Variants in PCDHA6 observed in about 807,000 individuals in gnomAD.
PCDHA6 encodes the protein protocadherin alpha 6, also known as protocadherin alpha-6.
PCDHA6 carries 55 observed loss-of-function variants against 60.3 expected under a neutral mutation model. The observed-to-expected ratio is 0.91, with a 90% CI of 0.73 to 1.14. The LOEUF (loss-of-function observed/expected upper bound fraction) is 1.14, where lower values mean the gene tolerates loss of function less well. Ranked by LOEUF, PCDHA6 falls within the 50% of genes most tolerant of loss-of-function variation. The pLI, the probability that PCDHA6 is intolerant of heterozygous loss-of-function variation, is 0.00. For synonymous variants in PCDHA6, 652 were observed against 557.9 expected, an observed-to-expected ratio of 1.17 and a Z score of -2.38; for missense variants, 1,327 against 1,256.5, an observed-to-expected ratio of 1.06 and a Z score of -0.85.
chr5:140,846,369 CTTTCTTT>C (rs1320771612), intron 1 of PCDHA6, among the ~76,000 whole-genome samples: 4 of 102,192 alleles, frequency 3.9e-5, no homozygotes, highest in African/African-American at 3.8e-5. Flanking sequence ...TCTTTTCTTT[CTTTCTTT>C]TTTTTTTTTT....
rs782731784 is a variant in PCDHA6, at chr5:140,857,723, G to A, written c.2394+27238G>A. 2.5e-6 allele frequency: 4 copies of A among 1,597,400 alleles called. No individual in the cohort carries two copies. Among genetic ancestry groups the A allele is most frequent in the Admixed American group, 1.7e-5 (1 of 59,286 alleles). On this transcript the variant is annotated intron_variant, in intron 1 of 3. Transcript: ENST00000529310. ...GCAGGTGTTCGTGCTGGACGAGAAC[G>A]ACAACGCTCCCGCGCTGCTGGCGTC...
At chr5:140,836,951 G>T (rs1344395357) in intron 1 of PCDHA6, 4 of 428,312 alleles carry the variant, frequency 9.3e-6, no homozygotes, top group South Asian at 5.1e-5. Context: ...AAAATCTATG[G>T]TTTATGTTGG....
At chr5:140,967,029 G>T in intron 1 of PCDHA6, 1 of 1,609,056 alleles carries the variant, frequency 6.2e-7, no homozygotes, top group Non-Finnish European at 8.5e-7. Context: ...CCCAGTCCGC[G>T]CTACCTGGAG....
chr5:140,892,351 G>T (rs1554185157), intron 1 of PCDHA6, among the ~76,000 whole-genome samples: 1 of 152,112 alleles, frequency 6.6e-6, no homozygotes, highest in Non-Finnish European at 1.5e-5. Context: ...ATTGACTTTT[G>T]CCAGGCATCT....
In PCDHA6 at chr5:140,863,367, G is replaced by A. The variant is rs782714685; in HGVS notation, c.2394+32882G>A. The A allele has an allele frequency of 1.5e-5, 18 of 1,191,312 alleles. No homozygotes were observed. The East Asian group carries it at 5.3e-4, about 35-fold the overall frequency. The allele number at this position is 1,191,312 out of a possible 1,614,324, so 73.8% of individuals were successfully genotyped here. A position where few individuals can be genotyped will look rare whatever the true frequency, so the allele number is the denominator to read the frequency against. ...TGTACACGACGCTGCGGTGCTTGGC[G>A]CAGCTCACCGAGAGCTCGTGCATGC... is the stretch of plus-strand genomic sequence containing the variant. On this transcript the variant is annotated intron_variant, in intron 1 of 3. Transcript: ENST00000529310.
Position 140,858,084 on chromosome 5 carries a change from C to T in PCDHA6, c.2394+27599C>T, listed in dbSNP as rs781886260. 2 of 1,597,664 alleles carry T rather than the reference C, an allele frequency of 1.3e-6. No homozygotes were observed. Among genetic ancestry groups the T allele is most frequent in the Admixed American group, 1.7e-5 (1 of 59,290 alleles). ...GGCAGCCAGGCACCCAAGGCCTCGT[C>T]GCGGGCTTCAGTGGGCGTGGCGCCC... is the stretch of plus-strand genomic sequence containing the variant. On this transcript the variant is annotated intron_variant, in intron 1 of 3. Transcript: ENST00000529310.
At chr5:140,967,699 T>C (rs781874469) in intron 1 of PCDHA6, 9 of 1,614,154 alleles carry the variant, frequency 5.6e-6, no homozygotes, top group Non-Finnish European at 7.6e-6. Context: ...TCAGCATAGA[T>C]GCCAGTACCG....
chr5:140,875,947 G>C (rs1554168112), intron 1 of PCDHA6: 1 of 1,614,184 alleles, frequency 6.2e-7, no homozygotes, highest in Admixed American at 1.7e-5. Flanking sequence ...GGGCGCTTCT[G>C]ATGCGGATAT....
chr5:140,998,423 T>C (rs1248330149), intron 3 of PCDHA6, among the ~76,000 whole-genome samples: 1 of 152,248 alleles, frequency 6.6e-6, no homozygotes, highest in African/African-American at 2.4e-5. Context: ...ACCTGGTTTA[T>C]CCTTTAACAC....
chr5:140,889,205 A>G (rs573455914), intron 1 of PCDHA6, among the ~76,000 whole-genome samples: 1 of 151,946 alleles, frequency 6.6e-6, no homozygotes, highest in East Asian at 2.0e-4. Context: ...TGAATACTTA[A>G]CAAAGAAGAA....
chr5:140,966,561 G>C (rs2153747879), intron 1 of PCDHA6: 1 of 488,962 alleles, frequency 2.0e-6, no homozygotes, highest in Non-Finnish European at 3.4e-6. Context: ...GGAGGAGCTG[G>C]AATATGGGGA....
At chr5:140,933,663 C>G (rs1340033934) in intron 1 of PCDHA6, among the ~76,000 whole-genome samples, 4 of 152,128 alleles carry the variant, frequency 2.6e-5, no homozygotes, top group African/African-American at 7.2e-5. Context: ...GTCTCTCTCT[C>G]TGTCTCTCTC....
intron 1 of PCDHA6, chr5:140,857,226 C>A (rs1266010631): frequency 6.3e-7 from 1 of 1,598,378 alleles, no homozygotes; most frequent in African/African-American, 1.3e-5. Context: ...CCTCACGTTC[C>A]GTTCAAGCTG....
Position 140,850,271 on chromosome 5 carries a change from G to T in PCDHA6, c.2394+19786G>T, listed in dbSNP as rs2150476864. 1.9e-6 allele frequency: 3 copies of T among 1,595,372 alleles called. No homozygotes were observed. The South Asian group carries it at 3.3e-5, about 18-fold the overall frequency. On this transcript the variant is annotated intron_variant, in intron 1 of 3. Coordinates refer to ENST00000529310, the MANE Select transcript of PCDHA6 (RefSeq NM_018909.4). ...CGGTGGGCGCCGGCGTAGTGGTGGG[G>T]AAGGTGCGCGCAGTGGACGCCGACT...
intron 1 of PCDHA6, chr5:140,834,959 T>C (rs2150229473): frequency 6.6e-7 from 1 of 1,526,094 alleles, no homozygotes; most frequent in South Asian, 1.2e-5. Flanking sequence ...TAAAACCTCT[T>C]GGACTTGTAT....
At chr5:140,877,745 T>C (rs1554170071) in intron 1 of PCDHA6, 3 of 1,614,108 alleles carry the variant, frequency 1.9e-6, no homozygotes, top group Non-Finnish European at 2.5e-6. Context: ...AGGCAGAGGG[T>C]GTGCTCTGCA....
At chr5:140,967,435 C>T (rs949116832) in intron 1 of PCDHA6, 1 of 1,613,532 alleles carries the variant, frequency 6.2e-7, no homozygotes, top group Non-Finnish European at 8.5e-7. Flanking sequence ...CAGCCTTGCA[C>T]CACCTGGTTC....
At chr5:140,927,281 A>G (rs1554204297) in intron 1 of PCDHA6, 1 of 1,614,172 alleles carries the variant, frequency 6.2e-7, no homozygotes, top group Non-Finnish European at 8.5e-7. Flanking sequence ...GGCGACGTGC[A>G]GCTGCACATC....
At chr5:140,933,731 A>G (rs1210438420) in intron 1 of PCDHA6, among the ~76,000 whole-genome samples, 2 of 151,958 alleles carry the variant, frequency 1.3e-5, no homozygotes, top group East Asian at 1.9e-4. Context: ...CAGCTTTCTT[A>G]AATATTTGGT....
Sources: gnomAD v4.1 joint callset for allele counts (sites outside exome capture counted in the v4.1 genomes callset) on GRCh38, gnomAD v4.1.1 for gene constraint, MANE v1.5 for transcripts, NCBI Gene and HGNC (gene_info 2026-07-23, HGNC 2026-07-21) for gene names.